Variants in CCDC138 observed in about 807,000 individuals in gnomAD.
CCDC138 encodes coiled-coil domain containing 138.
CCDC138 carries 66 observed loss-of-function variants against 82.3 expected under a neutral mutation model. That is an observed-to-expected ratio of 0.80 (90% CI 0.66 to 0.98). The LOEUF (loss-of-function observed/expected upper bound fraction) is 0.98. Ranked by LOEUF, CCDC138 falls within the 50% of genes least tolerant of loss-of-function variation. CCDC138 has a pLI of 0.00. For synonymous variants in CCDC138, 297 were observed against 265.4 expected (o/e 1.12, Z -1.16); for missense variants, 816 against 758.9 (o/e 1.08, Z -0.88).
chr2:108,848,919 T>C (rs1690939493), intron 12 of CCDC138, among the ~76,000 whole-genome samples: 1 of 152,232 alleles, frequency 6.6e-6, no homozygotes, highest in African/African-American at 2.4e-5. Flanking sequence ...AATCATATGA[T>C]ACAGATGATA....
intron 10 of CCDC138, among the ~76,000 whole-genome samples, chr2:108,831,969 G>T (rs956048801): frequency 5.3e-5 from 8 of 152,022 alleles, no homozygotes; most frequent in Non-Finnish European, 1.2e-4. Flanking sequence ...CTGACCTCAG[G>T]TGATCCACCC....
chr2:108,807,174 T>C (rs1003145131), intron 7 of CCDC138, among the ~76,000 whole-genome samples: 4 of 152,144 alleles, frequency 2.6e-5, no homozygotes, highest in African/African-American at 9.7e-5. Context: ...GATCCAGATA[T>C]TGGAATTTAA....
At chr2:108,796,818 G>C (rs1680992171) in intron 5 of CCDC138, among the ~76,000 whole-genome samples, 1 of 152,202 alleles carries the variant, frequency 6.6e-6, no homozygotes, top group African/African-American at 2.4e-5. Context: ...CCAGAGGCTG[G>C]GAGGGGAAGG....
intron 11 of CCDC138, among the ~76,000 whole-genome samples, chr2:108,844,802 C>T (rs1175187739): frequency 6.7e-6 from 1 of 148,920 alleles, no homozygotes; most frequent in Non-Finnish European, 1.5e-5. Flanking sequence ...GGCTGGAGAG[C>T]AGTGGCACGA....
At chr2:108,795,739 G>A (rs980366419) in intron 5 of CCDC138, among the ~76,000 whole-genome samples, 1 of 152,170 alleles carries the variant, frequency 6.6e-6, no homozygotes, top group African/African-American at 2.4e-5. Flanking sequence ...GGGCATTCCA[G>A]GTGTAAGGAA....
chr2:108,813,248 CAAAAAAA>C (rs371435296), intron 9 of CCDC138, among the ~76,000 whole-genome samples: 7 of 63,544 alleles, frequency 1.1e-4, no homozygotes, highest in African/African-American at 4.4e-4. Context: ...GACTCCGTCT[CAAAAAAA>C]AAAAAAAAAA....
intron 10 of CCDC138, among the ~76,000 whole-genome samples, chr2:108,834,546 C>T (rs1688272793): frequency 1.3e-5 from 2 of 152,134 alleles, no homozygotes; most frequent in Admixed American, 1.3e-4. Flanking sequence ...TAAGTATTGT[C>T]AAATAGTTGA....
At chr2:108,835,515 A>T in intron 10 of CCDC138, among the ~76,000 whole-genome samples, 1 of 152,320 alleles carries the variant, frequency 6.6e-6, no homozygotes, top group East Asian at 1.9e-4. Context: ...ATATATTCAA[A>T]TATTTTTCAC....
chr2:108,833,646 C>T (rs1374293775), intron 10 of CCDC138, among the ~76,000 whole-genome samples: 1 of 151,770 alleles, frequency 6.6e-6, no homozygotes, highest in East Asian at 1.9e-4. Context: ...GTGAAAGATA[C>T]CAGTACTTAC....
chr2:108,874,997 T>G (rs1574337570), intron 14 of CCDC138, among the ~76,000 whole-genome samples: 1 of 152,130 alleles, frequency 6.6e-6, no homozygotes, highest in East Asian at 1.9e-4. Flanking sequence ...CATGATGTGT[T>G]TGTAGCTTAG....
chr2:108,873,735 A>G (rs1367563199), intron 14 of CCDC138, 146 bp downstream of exon 14: 1 of 555,650 alleles, frequency 1.8e-6, no homozygotes, highest in East Asian at 2.9e-5. Context: ...CGCTAACACT[A>G]ACGATAGCTG....
At position 108,788,833 on chromosome 2, in the gene CCDC138, GTTTC is replaced by G. The variant is rs1197634819; in HGVS notation, c.152-15_152-12del. 1.9e-6 allele frequency: 3 copies of G among 1,613,880 alleles called. No homozygotes were observed. Among genetic ancestry groups the G allele is most frequent in the South Asian group, 1.1e-5 (1 of 91,032 alleles). ...TATATTGTTGTGGTAATCTTTCATG[GTTTC>G]TTTGTCGTTGACAGGTGATTTGGAT... On this transcript the variant is annotated splice_polypyrimidine_tract_variant and intron_variant, in intron 2 of 14. Transcript: ENST00000295124.
rs375712777 is a variant in CCDC138, at chr2:108,812,676, A to G, written c.901A>G (p.Lys301Glu). Reference protein sequence around the residue: ...EENRKIDIQAKRVQARLDNLQ... With the variant: ...EENRKIDIQAERVQARLDNLQ... The stretch of plus-strand genomic sequence containing the variant: ...AAACAGGAAGATAGACATTCAGGCT[A>G]AAAGAGTTCAAGCTCGTTTAGATAA... Residue 301 changes from lysine to glutamate, a missense_variant, in exon 8 of 15, where the codon AAA (lysine) becomes GAA (glutamate). Physicochemically the swap from Lys to Glu is moderately conservative, Grantham distance 56 (BLOSUM62 1). Transcript: ENST00000295124. 1.9e-6 allele frequency: 3 copies of G among 1,612,592 alleles called. No homozygotes were observed. Among genetic ancestry groups the G allele is most frequent in the Non-Finnish European group, 2.5e-6 (3 of 1,178,802 alleles).
chr2:108,834,198 A>G (rs1292638253), intron 10 of CCDC138, among the ~76,000 whole-genome samples: 2 of 147,116 alleles, frequency 1.4e-5, no homozygotes, highest in Non-Finnish European at 2.9e-5. Context: ...GAGAGTTTAC[A>G]TATTTCATCT....
chr2:108,882,955 A>C (rs970696514), intron 2 of CCDC138: 1 of 151,430 alleles, frequency 6.6e-6, no homozygotes, highest in African/African-American at 2.4e-5. Context: ...AAAGGGTGTG[A>C]GGTAGGGGTT....
intron 10 of CCDC138, among the ~76,000 whole-genome samples, chr2:108,820,328 T>TA (rs1685467496): frequency 6.6e-6 from 1 of 152,066 alleles, no homozygotes; most frequent in African/African-American, 2.4e-5. Context: ...CTGAGGGACT[T>TA]ATGGGAGATC....
intron 2 of CCDC138, chr2:108,884,460 A>G (rs1233660852): frequency 6.6e-6 from 1 of 152,228 alleles, no homozygotes; most frequent in African/African-American, 2.4e-5. Flanking sequence ...GAGACAGTGA[A>G]TATGTTCCCA....
chr2:108,819,216 T>C (rs533912544), intron 10 of CCDC138, among the ~76,000 whole-genome samples: 1 of 152,194 alleles, frequency 6.6e-6, no homozygotes, highest in South Asian at 2.1e-4. Flanking sequence ...GGCTAAAACA[T>C]TAAAAAGAAG....
rs758455269 is a variant in CCDC138 at position 108,856,973 on chromosome 2, A to AAGT, written c.1693+4_1693+6dup. Reference sequence around the variant, plus strand: ...GCTCCAGATGACGGTGGAATCTAGTAAGTTTTTAAGTTCTATATGTGTAAA... The same window carrying AAGT: ...GCTCCAGATGACGGTGGAATCTAGTAAGTAGTTTTTAAGTTCTATATGTGTAAA... On this transcript the variant is annotated splice_donor_region_variant and intron_variant, in intron 13 of 14. Transcript: ENST00000295124. 3.9e-6 allele frequency: 6 copies of AAGT among 1,523,528 alleles called. No individual in the cohort carries two copies. The South Asian group carries it at 7.0e-5, about 18-fold the overall frequency. 94.4% of individuals were successfully genotyped at this position (1,523,528 alleles called of 1,614,324 possible). A position where few individuals can be genotyped will look rare whatever the true frequency, so the allele number is the denominator to read the frequency against.
Sources: allele counts gnomAD v4.1 joint callset (sites outside exome capture counted in the v4.1 genomes callset), GRCh38; gene constraint gnomAD v4.1.1; transcripts MANE v1.5; gene names NCBI Gene and HGNC (gene_info 2026-07-23, HGNC 2026-07-21).